The following MTG2 variants were observed in gnomAD, a reference collection of about 807,000 sequenced individuals.
MTG2 encodes the protein mitochondrial ribosome-associated GTPase 2.
MTG2 carries 23 observed loss-of-function variants against 28.6 expected under a neutral mutation model. The observed-to-expected ratio is 0.80, with a 90% CI of 0.58 to 1.14. MTG2 has a LOEUF of 1.14. Among genes scored for constraint, MTG2 ranks in the 50% most tolerant of loss-of-function variants. MTG2 has a pLI of 0.00. For synonymous variants in MTG2, 260 were observed against 251.8 expected, an observed-to-expected ratio of 1.03 and a Z score of -0.31; for missense variants, 539 against 552.0, an observed-to-expected ratio of 0.98 and a Z score of 0.24.
intron 1 of MTG2, among the ~76,000 whole-genome samples, chr20:62,193,024 C>T (rs542472092): frequency 1.3e-5 from 2 of 152,230 alleles, no homozygotes; most frequent in Non-Finnish European, 2.9e-5. Flanking sequence ...TTTAAAATTA[C>T]ACAGGATAAC....
intron 1 of MTG2, among the ~76,000 whole-genome samples, chr20:62,192,036 G>A (rs1227246295): frequency 1.3e-5 from 2 of 152,206 alleles, no homozygotes; most frequent in African/African-American, 4.8e-5. Flanking sequence ...CCAAATGTGT[G>A]GGTTTTCCAC....
At chr20:62,194,027 G>T (rs958079927) in intron 2 of MTG2, 1 of 155,268 alleles carries the variant, frequency 6.4e-6, no homozygotes, top group Non-Finnish European at 1.4e-5. Context: ...ATCACTTGAG[G>T]TCAGGAGTTC....
rs759425297 is a variant in MTG2, at chr20:62,201,034, C to T, written c.1178C>T (p.Ala393Val). ...LHLKVLYDAY[A>V]EAELGQGRQP... ...CTGAAGGTGCTGTATGACGCCTACG[C>T]GGAGGCCGAGCTGGGCCAGGGCCGC... Residue 393 changes from alanine to valine, a missense_variant, in exon 7 of 7, where the codon GCG becomes GTG. By Grantham distance (64) the Ala-to-Val change is moderately conservative. Coordinates refer to ENST00000370823, the MANE Select transcript of MTG2 (RefSeq NM_015666.4). The T allele has an allele frequency of 1.2e-5, 20 of 1,607,772 alleles. No homozygotes were observed. The highest frequency in any genetic ancestry group is 4.0e-5 in the African/African-American group (3 of 74,912).
In MTG2 at chr20:62,200,942, C is replaced by T; in HGVS notation, c.1086C>T (p.His362=). ...CCAATCTGTCCCAGCTCCGGGATCA[C>T]TTGGGACAGGAGGTCATCGTGCTGT... is the stretch of plus-strand genomic sequence containing the variant. ...AQANLSQLRD[H]LGQEVIVLSA... Residue 362 remains histidine, a synonymous_variant, in exon 7 of 7, where the codon CAC becomes CAT. Transcript: ENST00000370823. The T allele has an allele frequency of 6.2e-7, 1 of 1,614,062 alleles. No individual in the cohort carries two copies. Among genetic ancestry groups the T allele is most frequent in the Non-Finnish European group, 8.5e-7 (1 of 1,180,040 alleles).
intron 1 of MTG2, among the ~76,000 whole-genome samples, chr20:62,191,442 T>G (rs1349700582): frequency 1.3e-5 from 2 of 152,182 alleles, no homozygotes; most frequent in Non-Finnish European, 2.9e-5. Flanking sequence ...CGACTGACTC[T>G]TAAGTGATTC....
At chr20:62,200,570 A>T (rs932890160) in intron 6 of MTG2, 113 bp from the exon 7 acceptor site, 2 of 1,318,450 alleles carry the variant, frequency 1.5e-6, no homozygotes, top group African/African-American at 1.5e-5. Flanking sequence ...GAACTCAGGA[A>T]ATCCGCCTTC....
Position 62,200,676 on chromosome 20 carries a change from C to A in MTG2, c.827-7C>A, listed in dbSNP as rs369720809. ...GGTCACCTCGTGTGCCCCTGTCTTC[C>A]CTGCAGTGGCCGACATCCCCGGCAT... On this transcript the variant is annotated splice_polypyrimidine_tract_variant and splice_region_variant and intron_variant, in intron 6 of 6. Coordinates refer to ENST00000370823, the MANE Select transcript of MTG2 (RefSeq NM_015666.4). 102 of 1,598,906 alleles carry A rather than the reference C, an allele frequency of 6.4e-5. No homozygotes were observed. The highest frequency in any genetic ancestry group is 5.0e-4 in the Middle Eastern group (3 of 5,966).
intron 2 of MTG2, 32 bp downstream of exon 2, chr20:62,193,656 G>A: frequency 6.4e-7 from 1 of 1,573,772 alleles, no homozygotes. Context: ...CAGCTTGCCT[G>A]TCTCCTCCTC....
At chr20:62,186,358 G>T (rs6061454) in intron 1 of MTG2, among the ~76,000 whole-genome samples, 46,017 of 151,994 alleles carry the variant, frequency 0.3, 7,063 homozygotes, top group Non-Finnish European at 0.34. Flanking sequence ...GGTTTACTGT[G>T]AAATTATTTT....
intron 4 of MTG2, 88 bp downstream of exon 4, chr20:62,198,055 T>C: frequency 9.6e-7 from 1 of 1,036,350 alleles, no homozygotes; most frequent in Non-Finnish European, 1.5e-6. Flanking sequence ...ACGGGGCCCC[T>C]GTGGCTTGAT....
In MTG2 at chr20:62,195,912, A is replaced by C; in HGVS notation, c.315A>C (p.Gly105=). 5 of 1,614,118 alleles carry C rather than the reference A, an allele frequency of 3.1e-6. No homozygotes were observed. The highest frequency in any genetic ancestry group is 4.2e-6 in the Non-Finnish European group (5 of 1,180,012). Reference sequence around the variant, plus strand: ...GCAAGGAGTTTGGAGGCCCTGATGGAGGGGACGGAGGCAACGGTGGACACG... The same window carrying C: ...GCAAGGAGTTTGGAGGCCCTGATGGCGGGGACGGAGGCAACGGTGGACACG... ...EPRKEFGGPD[G]GDGGNGGHVI... Residue 105 remains glycine (G), a synonymous_variant, in exon 3 of 7, where the codon GGA becomes GGC. Transcript: ENST00000370823.
Position 62,201,106 on chromosome 20 carries a change from C to T in MTG2, c.*29C>T, listed in dbSNP as rs765177017. 2.6e-5 allele frequency: 40 copies of T among 1,548,924 alleles called. No homozygotes were observed. Among genetic ancestry groups the T allele is most frequent in the Non-Finnish European group, 3.1e-5 (36 of 1,153,284 alleles). On this transcript the variant is annotated 3_prime_UTR_variant, in exon 7 of 7. Transcript: ENST00000370823. ...CGCCAGAGCGGGGTCGCCTCTGGGC[C>T]TCTGTCTGAGCAAACCTGGGTGTGA...
rs780633108 is a variant in MTG2, at chr20:62,200,693, C to G, written c.837C>G (p.Ile279Met). Reference sequence around the variant, plus strand: ...CTGTCTTCCCTGCAGTGGCCGACATCCCCGGCATCATACGAGGCGCCCACC... The same window carrying G: ...CTGTCTTCCCTGCAGTGGCCGACATGCCCGGCATCATACGAGGCGCCCACC... Reference protein sequence around the residue: ...EGHLQIAVADIPGIIRGAHQN... With the variant: ...EGHLQIAVADMPGIIRGAHQN... The change falls in exon 7 of 7, where the codon ATC becomes ATG. Residue 279 changes from isoleucine (I) to methionine (M), a missense_variant. By Grantham distance (10) the Ile-to-Met change is conservative. Transcript: ENST00000370823. The G allele has an allele frequency of 2.5e-6, 4 of 1,608,662 alleles. No individual in the cohort carries two copies. The highest frequency in any genetic ancestry group is 2.5e-6 in the Non-Finnish European group (3 of 1,177,624).
At chr20:62,199,378 G>A (rs1311743715) in intron 6 of MTG2, 121 bp downstream of exon 6, 5 of 1,267,048 alleles carry the variant, frequency 3.9e-6, no homozygotes, top group Non-Finnish European at 5.4e-6. Context: ...AGGCGTGGTG[G>A]CTCACACCTG....
rs1346986710 is a variant in MTG2 at position 62,198,757 on chromosome 20, A to G, written c.592A>G (p.Asn198Asp). 13 of 1,614,128 alleles carry G rather than the reference A, an allele frequency of 8.1e-6. No individual in the cohort carries two copies. The highest frequency in any genetic ancestry group is 2.2e-5 in the South Asian group (2 of 91,088). Residue 198 changes from asparagine (N) to aspartate (D), a missense_variant, in exon 5 of 7, where the codon AAC becomes GAC. Asn to Asp is a conservative substitution (Grantham distance 23). Coordinates refer to ENST00000370823, the MANE Select transcript of MTG2 (RefSeq NM_015666.4). ...GGKGNRFFLA[N>D]NNRAPVTCTP... is the part of the protein sequence containing the mutation. ...GAAAGGCAACCGCTTCTTCCTGGCC[A>G]ACAACAACCGTGCCCCTGTGACCTG...
chr20:62,191,457 G>A (rs529817223), intron 1 of MTG2, among the ~76,000 whole-genome samples: 1 of 152,192 alleles, frequency 6.6e-6, no homozygotes, highest in Non-Finnish European at 1.5e-5. Context: ...TGATTCAGGA[G>A]GAAGTTCTTT....
chr20:62,191,030 C>T (rs1488934399), intron 1 of MTG2, among the ~76,000 whole-genome samples: 1 of 152,110 alleles, frequency 6.6e-6, no homozygotes, highest in African/African-American at 2.4e-5. Context: ...TGAGCAGCTC[C>T]ATAAATATCT....
chr20:62,189,531 A>G (rs1375275124), intron 1 of MTG2, among the ~76,000 whole-genome samples: 1 of 151,680 alleles, frequency 6.6e-6, no homozygotes, highest in Non-Finnish European at 1.5e-5. Context: ...TCTCGAACTC[A>G]TGGCTTCAAG....
At chr20:62,184,867 TG>T (rs1291188428) in intron 1 of MTG2, among the ~76,000 whole-genome samples, 1 of 152,030 alleles carries the variant, frequency 6.6e-6, no homozygotes, top group Non-Finnish European at 1.5e-5. Context: ...CCCAGCACTT[TG>T]GGGGGCCGAG....
Sources: gnomAD v4.1 joint callset for allele counts (sites outside exome capture counted in the v4.1 genomes callset) on GRCh38, gnomAD v4.1.1 for gene constraint, MANE v1.5 for transcripts, NCBI Gene and HGNC (gene_info 2026-07-23, HGNC 2026-07-21) for gene names.